IL1RAPL1: variants seen among roughly 807,000 people sequenced by gnomAD.
IL1RAPL1 encodes interleukin 1 receptor accessory protein like 1.
Under a neutral mutation model 48.4 loss-of-function variants are expected in IL1RAPL1, and 3 were observed. That is an observed-to-expected ratio of 0.06 (90% CI 0.03 to 0.16). IL1RAPL1 has a LOEUF of 0.16. IL1RAPL1 is among the 10% of genes least tolerant of loss of function. IL1RAPL1 has a pLI of 1.00. For missense variants in IL1RAPL1, 349 were observed against 530.6 expected (o/e 0.66, Z 3.36); for synonymous variants, 185 against 187.7 (o/e 0.99, Z 0.12).
chrX:29,952,267 C>T (rs1174071984), intron 9 of IL1RAPL1, among the ~76,000 whole-genome samples: 1 of 111,522 alleles, frequency 9.0e-6, no homozygotes, highest in African/African-American at 3.3e-5. Flanking sequence ...GGAGTTTCAA[C>T]ACTTTGCACT....
rs1184946891 is a variant in IL1RAPL1, at chrX:28,815,837, A to ATG, written c.82+26414_82+26415dup. 9.1e-4 allele frequency among the ~76,000 whole-genome samples: 38 copies of ATG among 41,552 alleles called. 1 individual carries two copies. Among genetic ancestry groups the ATG allele is most frequent in the South Asian group, 2.8e-3 (2 of 722 alleles). The allele number at this position is 41,552 out of a possible 115,157, so 36.1% of individuals were successfully genotyped here. ...ATCTATTGTGTATGTATGTGTGTTT[A>ATG]TGTATATATATATATATATATATAT... is the stretch of plus-strand genomic sequence containing the variant. On this transcript the variant is annotated intron_variant, in intron 2 of 10. Coordinates refer to ENST00000378993, the MANE Select transcript of IL1RAPL1 (RefSeq NM_014271.4).
At chrX:29,848,690 C>G (rs1007983933) in intron 6 of IL1RAPL1, among the ~76,000 whole-genome samples, 1 of 111,726 alleles carries the variant, frequency 9.0e-6, no homozygotes, top group African/African-American at 3.3e-5. Flanking sequence ...TGATGGAATG[C>G]AGACTGGACT....
chrX:29,238,624 C>G (rs1270033908), intron 2 of IL1RAPL1, among the ~76,000 whole-genome samples: 2 of 112,046 alleles, frequency 1.8e-5, no homozygotes, highest in Non-Finnish European at 3.8e-5. Flanking sequence ...CACATGGCTC[C>G]TTTGCTTCTA....
intron 2 of IL1RAPL1, among the ~76,000 whole-genome samples, chrX:29,118,243 A>G (rs768626022): frequency 1.2e-4 from 14 of 112,477 alleles, no homozygotes; most frequent in South Asian, 3.6e-4. Context: ...TAATAGCTAC[A>G]TTTATTGATT....
intron 4 of IL1RAPL1, among the ~76,000 whole-genome samples, chrX:29,397,904 T>TAC (rs1249249829): frequency 3.6e-5 from 4 of 112,291 alleles, no homozygotes; most frequent in Non-Finnish European, 7.5e-5. Flanking sequence ...GATGAGAGAC[T>TAC]ACACACACAC....
At chrX:28,656,176 C>T (rs189828988) in intron 1 of IL1RAPL1, among the ~76,000 whole-genome samples, 33 of 111,537 alleles carry the variant, frequency 3.0e-4, no homozygotes, top group East Asian at 2.5e-3. Flanking sequence ...CTTTCTGGCA[C>T]ACACCCTTGC....
intron 3 of IL1RAPL1, among the ~76,000 whole-genome samples, chrX:29,308,212 T>G (rs1035623520): frequency 5.4e-5 from 6 of 111,994 alleles, no homozygotes; most frequent in African/African-American, 1.6e-4. Flanking sequence ...TTTTCCCACT[T>G]CTTTCCTTGG....
At chrX:28,947,314 A>G (rs1055364867) in intron 2 of IL1RAPL1, among the ~76,000 whole-genome samples, 1 of 111,836 alleles carries the variant, frequency 8.9e-6, no homozygotes, top group Non-Finnish European at 1.9e-5. Context: ...ATTCCCCATT[A>G]GAGTTGATTC....
At chrX:29,570,375 AAT>A (rs1922554982) in intron 5 of IL1RAPL1, among the ~76,000 whole-genome samples, 1 of 112,509 alleles carries the variant, frequency 8.9e-6, no homozygotes, top group South Asian at 3.6e-4. Flanking sequence ...TTTTAATACC[AAT>A]AGACATTACA....
chrX:29,066,742 C>A (rs1226976746), intron 2 of IL1RAPL1, among the ~76,000 whole-genome samples: 1 of 111,960 alleles, frequency 8.9e-6, no homozygotes, highest in Non-Finnish European at 1.9e-5. Context: ...GAAGCCCCTG[C>A]CCTATGTGCA....
chrX:28,928,889 C>T (rs1398623350), intron 2 of IL1RAPL1, among the ~76,000 whole-genome samples: 1 of 111,913 alleles, frequency 8.9e-6, no homozygotes, highest in Non-Finnish European at 1.9e-5. Flanking sequence ...AATCTGAACT[C>T]TTTGTATGAA....
At chrX:29,317,741 C>T (rs1353237422) in intron 3 of IL1RAPL1, among the ~76,000 whole-genome samples, 1 of 112,129 alleles carries the variant, frequency 8.9e-6, no homozygotes, top group East Asian at 2.8e-4. Flanking sequence ...TAGTGGCATT[C>T]ACGTTTGTGT....
chrX:29,388,157 A>G (rs1933808198), intron 3 of IL1RAPL1, among the ~76,000 whole-genome samples: 1 of 104,642 alleles, frequency 9.6e-6, no homozygotes, highest in Non-Finnish European at 2.0e-5. Context: ...CTATTAGCTA[A>G]TAGTTCATTC....
intron 9 of IL1RAPL1, 133 bp downstream of exon 9, chrX:29,941,927 T>G: frequency 1.8e-6 from 1 of 561,855 alleles, no homozygotes; most frequent in Non-Finnish European, 2.9e-6. Flanking sequence ...GCTCAGTTTG[T>G]AAATTTCTCT....
intron 1 of IL1RAPL1, among the ~76,000 whole-genome samples, chrX:28,603,317 CTG>C (rs1377466720): frequency 1.8e-5 from 2 of 111,538 alleles, no homozygotes. Flanking sequence ...TGCGGAAATA[CTG>C]TGAGGTAAAT....
At chrX:29,811,125 G>A (rs1274047118) in intron 6 of IL1RAPL1, among the ~76,000 whole-genome samples, 1 of 110,320 alleles carries the variant, frequency 9.1e-6, no homozygotes, top group Non-Finnish European at 1.9e-5. Flanking sequence ...AACGTATAGT[G>A]ACAAAAGAGG....
intron 2 of IL1RAPL1, among the ~76,000 whole-genome samples, chrX:29,164,019 T>A (rs225458): frequency 9.0e-6 from 1 of 110,595 alleles, no homozygotes; most frequent in African/African-American, 3.3e-5. Context: ...TCCTGTTCAC[T>A]TGCCTCTAGG....
intron 5 of IL1RAPL1, among the ~76,000 whole-genome samples, chrX:29,399,882 G>A (rs5971928): frequency 0.16 from 17,327 of 110,431 alleles, 1,993 homozygotes; most frequent in African/African-American, 0.41. Flanking sequence ...TGAGTTTATG[G>A]TTTCCAAAAA....
At chrX:29,452,342 A>G (rs1181646111) in intron 5 of IL1RAPL1, among the ~76,000 whole-genome samples, 1 of 111,828 alleles carries the variant, frequency 8.9e-6, no homozygotes, top group East Asian at 2.8e-4. Context: ...AAATATGCCC[A>G]TTCCAGTGAG....
Sources: allele counts gnomAD v4.1 joint callset (sites outside exome capture counted in the v4.1 genomes callset), GRCh38; gene constraint gnomAD v4.1.1; transcripts MANE v1.5; gene names NCBI Gene and HGNC (gene_info 2026-07-23, HGNC 2026-07-21).